TTN: variants seen among roughly 807,000 people sequenced by gnomAD.
TTN encodes the protein titin, also known as connectin.
Under a neutral mutation model 3,223.0 loss-of-function variants are expected in TTN, and 1,525 were observed. The ratio of observed to expected loss-of-function variants is 0.47; its 90% CI spans 0.45 to 0.49. The LOEUF is 0.49. TTN is among the 20% of genes least tolerant of loss of function. TTN has a pLI of 0.00. For synonymous variants in TTN, 14,094 were observed against 15,161.0 expected, an observed-to-expected ratio of 0.93 and a Z score of 5.17; for missense variants, 40,786 against 43,424.0, an observed-to-expected ratio of 0.94 and a Z score of 5.40.
chr2:178,573,004 TG>T lies in TTN; in HGVS notation c.73127del (p.Pro24376GlnfsTer27). On this transcript the variant is annotated frameshift_variant, in exon 326 of 363. Coordinates refer to ENST00000589042, the MANE Select transcript of TTN (RefSeq NM_001267550.2). LOFTEE classifies it high-confidence loss of function. The stretch of plus-strand genomic sequence containing the variant: ...TATACGAAGTTGCCTTGAGTCCTGC[TG>T]GTGGAGTGACAATCTGCCATTCATC... ...EEDEWQIVTPPAGLKATSYTI... is the reference protein window; with the variant it reads ...EEDEWQIVTPXAGLKATSYTI... 1 of 1,613,208 alleles carries T rather than the reference TG, an allele frequency of 6.2e-7. No homozygotes were observed. Among genetic ancestry groups the T allele is most frequent in the Non-Finnish European group, 8.5e-7 (1 of 1,179,478 alleles).
At position 178,756,373 on chromosome 2, in the gene TTN, C is replaced by T. The variant is rs762913656; in HGVS notation, c.11103G>A (p.Glu3701=). 19 of 1,613,714 alleles carry T rather than the reference C, an allele frequency of 1.2e-5. No homozygotes were observed. In the Admixed American group the frequency reaches 3.2e-4, roughly 27 times the overall value. The change falls in exon 46 of 363, where the codon GAG becomes GAA. Residue 3701 remains glutamate (E), a synonymous_variant. Transcript: ENST00000589042. ...VTWTHEGAKI[E]ESERLKQSQN... ...GTGATTGTTTCAGTCTCTCGGATTCCTCTATCTTTGCACCTTCGTGAGTCC... is the reference window on the plus strand; with the variant it reads ...GTGATTGTTTCAGTCTCTCGGATTCTTCTATCTTTGCACCTTCGTGAGTCC...
In TTN at chr2:178,588,808, T is replaced by G. The variant is rs374657513; in HGVS notation, c.62917A>C (p.Thr20973Pro). The G allele has an allele frequency of 6.2e-7, 1 of 1,613,352 alleles. No homozygotes were observed. The change falls in exon 304 of 363, where the codon ACT becomes CCT. Residue 20973 changes from threonine (T) to proline (P), a missense_variant. By Grantham distance (38) the Thr-to-Pro change is conservative. Transcript: ENST00000589042. ...GTCATCTCTTCTTTGCTTACTTTAG[T>G]GACTTCTGGGGGATCAGGGCGACCA... is the stretch of plus-strand genomic sequence containing the variant. ...KPGRPDPPEV[T>P]KVSKEEMTVV...
rs1057518931 is a variant in TTN at position 178,740,619 on chromosome 2, A to G, written c.12614T>C (p.Leu4205Ser). 6.8e-6 allele frequency: 11 copies of G among 1,613,890 alleles called. No individual in the cohort carries two copies. The highest frequency in any genetic ancestry group is 9.3e-6 in the Non-Finnish European group (11 of 1,179,822). The part of the protein sequence containing the change: ...NSLTVEPLKT[L>S]LAEPEGNYPQ... Reference sequence around the variant, plus strand: ...ATAATTCCCTTCAGGTTCAGCTAATAAAGTTTTCAGAGGCTCAACTGTTAA... The same window carrying G: ...ATAATTCCCTTCAGGTTCAGCTAATGAAGTTTTCAGAGGCTCAACTGTTAA... Residue 4205 changes from leucine (L) to serine (S), a missense_variant, in exon 48 of 363, where the codon TTA becomes TCA. Coordinates refer to ENST00000589042, the MANE Select transcript of TTN (RefSeq NM_001267550.2).
At position 178,682,761 on chromosome 2, in the gene TTN, G is replaced by A. The variant is rs1205400787; in HGVS notation, c.33030C>T (p.Asp11010=). ...CCCGCTCCTCGTATTCTTCATATTGGTCATATTCTTCTGTTGGTTCATACT... is the reference window on the plus strand; with the variant it reads ...CCCGCTCCTCGTATTCTTCATATTGATCATATTCTTCTGTTGGTTCATACT... ...FEEYEPTEEY[D]QYEEYEEREY... The change falls in exon 135 of 363, where the codon GAC becomes GAT. Residue 11010 remains aspartate (D), a synonymous_variant. Coordinates refer to ENST00000589042, the MANE Select transcript of TTN (RefSeq NM_001267550.2). 12 of 1,612,784 alleles carry A rather than the reference G, an allele frequency of 7.4e-6. No homozygotes were observed. In the Admixed American group the frequency reaches 1.8e-4, roughly 25 times the overall value.
Position 178,738,257 on chromosome 2 carries a change from C to T in TTN, c.14196G>A (p.Gln4732=). ...AAATTTCTCGGCCAGCTTTAAACCA[C>T]TGGAACCGGACATTGGGAGCACTTT... ...EIQSAPNVRF[Q]WFKAGREIYE... Residue 4732 remains glutamine (Q), a synonymous_variant, in exon 49 of 363, where the codon CAG becomes CAA. Coordinates refer to ENST00000589042, the MANE Select transcript of TTN (RefSeq NM_001267550.2). 1 of 1,613,614 alleles carries T rather than the reference C, an allele frequency of 6.2e-7. No individual in the cohort carries two copies. The highest frequency in any genetic ancestry group is 2.2e-5 in the East Asian group (1 of 44,756).
At chr2:178,768,400 C>T (rs2090905050) in intron 38 of TTN, among the ~76,000 whole-genome samples, 1 of 152,194 alleles carries the variant, frequency 6.6e-6, no homozygotes, top group African/African-American at 2.4e-5. Context: ...CACCAATCTA[C>T]ATCTCTATAG....
chr2:178,638,769 C>T (rs773376618), intron 223 of TTN, among the ~76,000 whole-genome samples: 11 of 151,732 alleles, frequency 7.2e-5, no homozygotes, highest in Non-Finnish European at 1.6e-4. Context: ...TTTGTTGTTT[C>T]TTTTTTAAAA....
Position 178,601,997 on chromosome 2 carries a change from C to G in TTN, c.55269+5G>C. 6.2e-7 allele frequency: 1 copy of G among 1,612,658 alleles called. No individual in the cohort carries two copies. The highest frequency in any genetic ancestry group is 8.5e-7 in the Non-Finnish European group (1 of 1,179,172). ...GAAAAAAGAGGAGAATGGTTATTTT[C>G]CTACCTTCATTGCTTTCTTTGCCTT... On this transcript the variant is annotated splice_donor_5th_base_variant and intron_variant, in intron 284 of 362. Coordinates refer to ENST00000589042, the MANE Select transcript of TTN (RefSeq NM_001267550.2).
At chr2:178,719,511 C>T (rs2078018799) in intron 82 of TTN, 43 bp downstream of exon 82, 2 of 1,588,056 alleles carry the variant, frequency 1.3e-6, no homozygotes, top group Admixed American at 1.7e-5. Context: ...CCCCTCCACC[C>T]CCTGGAAATA....
intron 98 of TTN, 81 bp from the exon 99 acceptor site, chr2:178,709,937 C>T (rs1004018725): frequency 1.1e-5 from 16 of 1,416,974 alleles, no homozygotes; most frequent in African/African-American, 1.4e-5. Context: ...AAAAAACCCT[C>T]ATATTTTTAG....
chr2:178,622,571 G>T, intron 243 of TTN, 99 bp downstream of exon 243: 1 of 867,784 alleles, frequency 1.2e-6, no homozygotes, highest in Non-Finnish European at 1.8e-6. Flanking sequence ...GTGGTGACCA[G>T]AGAAGTTGTG....
chr2:178,589,772 C>T lies in TTN; in HGVS notation c.61953G>A (p.Gly20651=), dbSNP rs1007434751. Residue 20651 remains glycine, a synonymous_variant, in exon 304 of 363, where the codon GGG becomes GGA. Transcript: ENST00000589042. ...TGGGAGTTTTTGTTTCGATGGTTGG[C>T]CCAACACCTACTTTATTCTCTGCAC... ...RVCAENKVGV[G]PTIETKTPIL... is the part of the protein sequence containing the mutation. The T allele has an allele frequency of 1.2e-6, 2 of 1,613,488 alleles. No individual in the cohort carries two copies. The highest frequency in any genetic ancestry group is 1.3e-5 in the African/African-American group (1 of 75,004).
chr2:178,758,210 T>C (rs2087893256), intron 44 of TTN, among the ~76,000 whole-genome samples: 2 of 152,216 alleles, frequency 1.3e-5, no homozygotes, highest in Admixed American at 1.3e-4. Flanking sequence ...CCTCTTGTTG[T>C]AAAGTCAACT....
intron 6 of TTN, among the ~76,000 whole-genome samples, chr2:178,797,898 T>G (rs2093856489): frequency 6.6e-6 from 1 of 152,120 alleles, no homozygotes; most frequent in African/African-American, 2.4e-5. Flanking sequence ...TTTTAACTAT[T>G]TAATCAAGCT....
At position 178,718,055 on chromosome 2, in the gene TTN, G is replaced by A. The variant is rs370154022; in HGVS notation, c.24951C>T (p.Asn8317=). The change falls in exon 86 of 363, where the codon AAC becomes AAT. Residue 8317 remains asparagine (N), a synonymous_variant. Transcript: ENST00000589042. The part of the protein sequence containing the change: ...APAYKMQFKN[N]VASLVINKVD... ...CTTTGTTGATTACTAAGGAAGCAACGTTATTTTTGAATTGCATTTTATATG... is the reference window on the plus strand; with the variant it reads ...CTTTGTTGATTACTAAGGAAGCAACATTATTTTTGAATTGCATTTTATATG... The A allele has an allele frequency of 9.3e-6, 15 of 1,613,588 alleles. No homozygotes were observed. Among genetic ancestry groups the A allele is most frequent in the Admixed American group, 1.7e-5 (1 of 59,990 alleles).
At chr2:178,724,215 A>C in intron 72 of TTN, 45 bp downstream of exon 72, 1 of 1,585,488 alleles carries the variant, frequency 6.3e-7, no homozygotes, top group Non-Finnish European at 8.6e-7. Context: ...GGAAACTTGT[A>C]AAAGGAATTT....
chr2:178,634,406 C>T lies in TTN; in HGVS notation c.42375G>A (p.Glu14125=), dbSNP rs781541454. The T allele has an allele frequency of 6.2e-7, 1 of 1,611,510 alleles. No homozygotes were observed. The highest frequency in any genetic ancestry group is 1.7e-5 in the Admixed American group (1 of 59,500). ...GAGCTGAGGTCTTCTTGCCCTCCAC[C>T]TCAGCAGTATAGACCCCTTCATCAT... ...QFDDEGVYTA[E]VEGKKTSARL... Residue 14125 remains glutamate (E), a synonymous_variant, in exon 230 of 363, where the codon GAG becomes GAA. Coordinates refer to ENST00000589042, the MANE Select transcript of TTN (RefSeq NM_001267550.2). This position sits in a 1 kb window ranked among gnomAD's most constrained non-coding sequence, Gnocchi z 4.6.
chr2:178,527,135 A>T lies in TTN; in HGVS notation c.107853T>A (p.Asp35951Glu), dbSNP rs770407405. 9.9e-6 allele frequency: 16 copies of T among 1,613,872 alleles called. 1 individual carries two copies. The South Asian group carries it at 1.8e-4, about 18-fold the overall frequency. ...CCATGATGATCAGGGTTGTCAGGTC[A>T]TCTGTGTTTTCAATGTGGAACCTCC... ...EQGRFHIENTDDLTTLIIMDV... is the reference protein window; with the variant it reads ...EQGRFHIENTEDLTTLIIMDV... The change falls in exon 363 of 363, where the codon GAT becomes GAA. Residue 35951 changes from aspartate to glutamate, a missense_variant. Coordinates refer to ENST00000589042, the MANE Select transcript of TTN (RefSeq NM_001267550.2).
In TTN at chr2:178,760,436, A is replaced by C. The variant is rs373597589; in HGVS notation, c.10115-1264T>G. On this transcript the variant is annotated intron_variant, in intron 43 of 362. Transcript: ENST00000589042. ...TCCCAGCTATTCAGGAGGCTCAGGCAGGAGAATAGCTTGAACCCGGGAGGG... is the reference window on the plus strand; with the variant it reads ...TCCCAGCTATTCAGGAGGCTCAGGCCGGAGAATAGCTTGAACCCGGGAGGG... 5.9e-5 allele frequency among the ~76,000 whole-genome samples: 9 copies of C among 152,282 alleles called. No individual in the cohort carries two copies. The South Asian group carries it at 8.3e-4, about 14-fold the overall frequency.
Sources: gnomAD v4.1 joint callset for allele counts (sites outside exome capture counted in the v4.1 genomes callset) on GRCh38, gnomAD v4.1.1 for gene constraint, Gnocchi (gnomAD v3.1) non-coding constraint, MANE v1.5 for transcripts, NCBI Gene and HGNC (gene_info 2026-07-23, HGNC 2026-07-21) for gene names.